The following CNTNAP2 variants were observed in gnomAD, a reference collection of about 807,000 sequenced individuals.
The protein encoded by CNTNAP2 is contactin associated protein 2.
CNTNAP2 carries 98 observed loss-of-function variants against 155.2 expected under a neutral mutation model. The observed-to-expected ratio is 0.63, with a 90% CI of 0.54 to 0.75. CNTNAP2 has a LOEUF of 0.75. Ranked by LOEUF, CNTNAP2 falls within the 30% of genes least tolerant of loss-of-function variation. The pLI, the probability that CNTNAP2 is intolerant of heterozygous loss-of-function variation, is 0.00. For synonymous variants in CNTNAP2, 651 were observed against 631.2 expected (o/e 1.03, Z -0.47); for missense variants, 1,727 against 1,688.1 (o/e 1.02, Z -0.40).
intron 13 of CNTNAP2, among the ~76,000 whole-genome samples, chr7:147,823,438 A>C (rs1613285): frequency 0.7 from 106,204 of 152,000 alleles, 37,277 homozygotes; most frequent in Middle Eastern, 0.8. Flanking sequence ...AACCACTAAC[A>C]ACCACACTTC....
At chr7:146,946,515 G>A (rs2129226818) in intron 3 of CNTNAP2, among the ~76,000 whole-genome samples, 1 of 152,102 alleles carries the variant, frequency 6.6e-6, no homozygotes, top group South Asian at 2.1e-4. Flanking sequence ...ACATTTTTTA[G>A]GTTTAGGGGA....
intron 10 of CNTNAP2, among the ~76,000 whole-genome samples, chr7:147,468,145 G>A (rs1171304641): frequency 2.6e-5 from 4 of 152,078 alleles, no homozygotes; most frequent in Middle Eastern, 3.4e-3. Context: ...AATATAATTA[G>A]TTGGGTGTAG....
chr7:147,279,729 G>T (rs1193747582), intron 8 of CNTNAP2, among the ~76,000 whole-genome samples: 2 of 151,740 alleles, frequency 1.3e-5, no homozygotes, highest in East Asian at 1.9e-4. Context: ...GCTCTCAATG[G>T]CTCCCTTTTG....
intron 4 of CNTNAP2, among the ~76,000 whole-genome samples, chr7:147,107,599 G>T (rs1365709705): frequency 6.6e-6 from 1 of 151,922 alleles, no homozygotes; most frequent in Non-Finnish European, 1.5e-5. Flanking sequence ...CTGAAAATTC[G>T]ATTGGTTGTA....
At chr7:148,401,340 A>G (rs1207416862) in intron 22 of CNTNAP2, among the ~76,000 whole-genome samples, 1 of 152,196 alleles carries the variant, frequency 6.6e-6, no homozygotes, top group Admixed American at 6.5e-5. Flanking sequence ...CCTTAACTGT[A>G]GAGAGGTTGT....
chr7:148,028,036 C>A (rs1232605930), intron 15 of CNTNAP2, among the ~76,000 whole-genome samples: 1 of 152,198 alleles, frequency 6.6e-6, no homozygotes, highest in South Asian at 2.1e-4. Context: ...TTCCTTCATA[C>A]TCATAAACAT....
chr7:147,760,163 A>G (rs1163552746), intron 13 of CNTNAP2, among the ~76,000 whole-genome samples: 1 of 152,048 alleles, frequency 6.6e-6, no homozygotes, highest in African/African-American at 2.4e-5. Flanking sequence ...TCTCCATATG[A>G]TGATTTATCA....
intron 1 of CNTNAP2, among the ~76,000 whole-genome samples, chr7:146,642,537 T>C (rs1799729953): frequency 6.6e-6 from 1 of 151,680 alleles, no homozygotes; most frequent in Non-Finnish European, 1.5e-5. Context: ...ACGTGCCACA[T>C]TTTCTTCATC....
chr7:147,446,506 T>A (rs1019141362), intron 10 of CNTNAP2, among the ~76,000 whole-genome samples: 1 of 152,194 alleles, frequency 6.6e-6, no homozygotes, highest in Non-Finnish European at 1.5e-5. Flanking sequence ...AGTAGTAGAC[T>A]GAGGTTCAAG....
chr7:146,331,646 G>C, intron 1 of CNTNAP2, among the ~76,000 whole-genome samples: 1 of 152,014 alleles, frequency 6.6e-6, no homozygotes, highest in East Asian at 1.9e-4. Context: ...AGTGTTCCAA[G>C]GAAACTCAAA....
chr7:148,271,623 A>G (rs1796780770), intron 21 of CNTNAP2, among the ~76,000 whole-genome samples: 1 of 152,206 alleles, frequency 6.6e-6, no homozygotes, highest in Non-Finnish European at 1.5e-5. Flanking sequence ...CTCTGAAGCT[A>G]AAATTCTGTT....
At chr7:147,936,303 T>TTA (rs200253412) in intron 14 of CNTNAP2, among the ~76,000 whole-genome samples, 67 of 150,258 alleles carry the variant, frequency 4.5e-4, no homozygotes, top group East Asian at 9.7e-4. Flanking sequence ...TTATTTTATT[T>TTA]TTTTTTTTTT....
intron 20 of CNTNAP2, among the ~76,000 whole-genome samples, chr7:148,263,534 C>T (rs554624888): frequency 1.6e-3 from 245 of 152,080 alleles, no homozygotes; most frequent in Middle Eastern, 0.01. Flanking sequence ...GTCAAGAGTT[C>T]GAGACCATCC....
At chr7:146,206,832 T>C (rs779097162) in intron 1 of CNTNAP2, among the ~76,000 whole-genome samples, 3 of 151,996 alleles carry the variant, frequency 2.0e-5, no homozygotes, top group Non-Finnish European at 2.9e-5. Context: ...ATGGCATGAA[T>C]TTTATTTCCA....
At chr7:148,340,301 C>T (rs1461242659) in intron 21 of CNTNAP2, among the ~76,000 whole-genome samples, 3 of 152,076 alleles carry the variant, frequency 2.0e-5, no homozygotes, top group Non-Finnish European at 4.4e-5. Flanking sequence ...ACAAATTAGC[C>T]CTTAAACAGA....
intron 1 of CNTNAP2, among the ~76,000 whole-genome samples, chr7:146,640,441 G>T (rs1397159721): frequency 6.6e-6 from 1 of 152,182 alleles, no homozygotes; most frequent in Non-Finnish European, 1.5e-5. Flanking sequence ...GTCATCTTTG[G>T]TGAATTAGCC....
At chr7:146,909,063 C>T (rs1399550137) in intron 3 of CNTNAP2, among the ~76,000 whole-genome samples, 2,365 of 150,304 alleles carry the variant, frequency 0.016, 39 homozygotes, top group Non-Finnish European at 0.025. Flanking sequence ...AAGAAATGGA[C>T]ACATTCCTCG....
intron 21 of CNTNAP2, among the ~76,000 whole-genome samples, chr7:148,268,524 G>A (rs1796715812): frequency 6.6e-6 from 1 of 151,924 alleles, no homozygotes; most frequent in South Asian, 2.1e-4. Flanking sequence ...GCGTGGTGGT[G>A]GGCGTCTGTA....
intron 1 of CNTNAP2, among the ~76,000 whole-genome samples, chr7:146,596,834 A>G (rs1798870049): frequency 6.6e-6 from 1 of 152,066 alleles, no homozygotes; most frequent in Non-Finnish European, 1.5e-5. Context: ...TTGAAATGAT[A>G]TCATATTTCA....
Sources: allele counts gnomAD v4.1 joint callset (sites outside exome capture counted in the v4.1 genomes callset), GRCh38; gene constraint gnomAD v4.1.1; transcripts MANE v1.5; gene names NCBI Gene and HGNC (gene_info 2026-07-23, HGNC 2026-07-21).